The following P2RY6 variants were observed in gnomAD, a reference collection of about 807,000 sequenced individuals.
The protein encoded by P2RY6 is P2Y purinoceptor 6.
P2RY6 carries 19 observed loss-of-function variants against 16.3 expected under a neutral mutation model. The observed-to-expected ratio is 1.16, with a 90% CI of 0.81 to 1.71. P2RY6 has a LOEUF of 1.71. Among genes scored for constraint, P2RY6 ranks in the 40% most tolerant of loss-of-function variants. The probability of loss-of-function intolerance (pLI) is 0.00; values close to 1 mark genes in which losing one functional copy is unlikely to be tolerated. For synonymous variants in P2RY6, 184 were observed against 201.5 expected (o/e 0.91, Z 0.74); for missense variants, 389 against 455.5 (o/e 0.85, Z 1.33).
chr11:73,265,592 G>C (rs368167019), intron 1 of P2RY6: 1 of 152,174 alleles, frequency 6.6e-6, no homozygotes, highest in South Asian at 2.1e-4. Context: ...GGCGGGGTGG[G>C]GGGGAGTTGT....
chr11:73,291,218 C>T (rs1229878391), intron 1 of P2RY6, among the ~76,000 whole-genome samples: 1 of 152,194 alleles, frequency 6.6e-6, no homozygotes, highest in Non-Finnish European at 1.5e-5. Context: ...GTGGATAAGG[C>T]ATGATAGGGA....
intron 1 of P2RY6, among the ~76,000 whole-genome samples, chr11:73,287,863 T>A (rs1864029337): frequency 1.3e-5 from 2 of 152,174 alleles, no homozygotes; most frequent in Non-Finnish European, 2.9e-5. Flanking sequence ...GCAGTGGCCC[T>A]ATAGGCGTGG....
At chr11:73,266,002 T>C (rs1462794261) in intron 1 of P2RY6, among the ~76,000 whole-genome samples, 2 of 152,288 alleles carry the variant, frequency 1.3e-5, no homozygotes, top group Middle Eastern at 3.4e-3. Context: ...CTCTGATACA[T>C]AGAAATCCTA....
chr11:73,269,020 G>A (rs1364358673), upstream of P2RY6, among the ~76,000 whole-genome samples: 2 of 152,192 alleles, frequency 1.3e-5, no homozygotes, highest in Non-Finnish European at 2.9e-5. Flanking sequence ...ACTGAACTGT[G>A]AGCCCAGCCC....
At chr11:73,266,708 A>C (rs1281314384) in intron 1 of P2RY6, among the ~76,000 whole-genome samples, 1 of 152,174 alleles carries the variant, frequency 6.6e-6, no homozygotes, top group Non-Finnish European at 1.5e-5. Flanking sequence ...CAGTGTTGGG[A>C]GCTGTGGAAA....
chr11:73,274,209 C>T (rs1460169549), intron 1 of P2RY6, among the ~76,000 whole-genome samples: 1 of 152,182 alleles, frequency 6.6e-6, no homozygotes, highest in Admixed American at 6.5e-5. Flanking sequence ...AGCGGCAGTG[C>T]TAGGGTTTCA....
At position 73,296,634 on chromosome 11, in the gene P2RY6, C is replaced by G. The variant is rs2135765381; in HGVS notation, c.116C>G (p.Ala39Gly). 6.2e-7 allele frequency: 1 copy of G among 1,614,206 alleles called. No homozygotes were observed. Among genetic ancestry groups the G allele is most frequent in the Non-Finnish European group, 8.5e-7 (1 of 1,180,032 alleles). ...LPPVYSAVLA[A>G]GLPLNICVIT... ...CCTGTGTATTCGGCGGTGCTGGCGG[C>G]TGGCCTGCCGCTGAACATCTGTGTC... Residue 39 changes from alanine to glycine, a missense_variant, in exon 3 of 3, where the codon GCT becomes GGT. Coordinates refer to ENST00000540124, the MANE Select transcript of P2RY6 (RefSeq NM_001277204.2).
upstream of P2RY6, among the ~76,000 whole-genome samples, chr11:73,270,883 C>T (rs972782052): frequency 1.3e-5 from 2 of 152,120 alleles, no homozygotes; most frequent in African/African-American, 2.4e-5. Context: ...TGGGGCCTGT[C>T]CACCTGTCCG....
At chr11:73,275,125 G>A (rs561364069) in intron 1 of P2RY6, among the ~76,000 whole-genome samples, 21 of 152,350 alleles carry the variant, frequency 1.4e-4, no homozygotes, top group African/African-American at 5.1e-4. Context: ...GCCCAGCCCT[G>A]TGTGGATTCC....
intron 1 of P2RY6, among the ~76,000 whole-genome samples, chr11:73,291,602 T>C (rs1864249315): frequency 6.6e-6 from 1 of 152,128 alleles, no homozygotes; most frequent in Admixed American, 6.6e-5. Flanking sequence ...TTTTTCTCAG[T>C]GTGATCCAAA....
intron 1 of P2RY6, among the ~76,000 whole-genome samples, chr11:73,284,170 A>C (rs1863873724): frequency 6.6e-6 from 1 of 152,162 alleles, no homozygotes; most frequent in Admixed American, 6.5e-5. Flanking sequence ...AAGGTTGGGG[A>C]CCCAGCCAAG....
At chr11:73,296,233 A>ATATATATAT (rs1554992361) in intron 2 of P2RY6, among the ~76,000 whole-genome samples, 70 of 124,480 alleles carry the variant, frequency 5.6e-4, no homozygotes, top group African/African-American at 2.3e-3. Context: ...GAAAAAAAAA[A>ATATATATAT]ATATATATAT....
At chr11:73,279,936 C>G (rs186084628) in intron 1 of P2RY6, among the ~76,000 whole-genome samples, 3 of 152,306 alleles carry the variant, frequency 2.0e-5, no homozygotes, top group Admixed American at 1.3e-4. Context: ...AAGGGTGTCC[C>G]TTACCTTAGG....
At chr11:73,280,033 C>G (rs1239759682) in intron 1 of P2RY6, among the ~76,000 whole-genome samples, 2 of 152,120 alleles carry the variant, frequency 1.3e-5, no homozygotes. Flanking sequence ...TTTATGAGGC[C>G]CTGTGACTGA....
intron 1 of P2RY6, among the ~76,000 whole-genome samples, chr11:73,295,149 C>T (rs776853999): frequency 6.6e-6 from 1 of 152,262 alleles, no homozygotes; most frequent in South Asian, 2.1e-4. Flanking sequence ...ATGTCAGTTT[C>T]GAGGTGAGTG....
At chr11:73,293,252 G>A (rs2086910135) in intron 1 of P2RY6, among the ~76,000 whole-genome samples, 1 of 152,190 alleles carries the variant, frequency 6.6e-6, no homozygotes, top group African/African-American at 2.4e-5. Context: ...CTGGCTGTGT[G>A]GGAGTCTCCA....
In P2RY6 at chr11:73,297,301, C is replaced by A; in HGVS notation, c.783C>A (p.Ala261=). Residue 261 remains alanine, a synonymous_variant, in exon 3 of 3, where the codon GCC becomes GCA. Coordinates refer to ENST00000540124, the MANE Select transcript of P2RY6 (RefSeq NM_001277204.2). ...SFLPFHITKT[A]YLAVRSTPGV... ...TGCCTTTTCACATCACCAAGACAGC[C>A]TACCTGGCAGTGCGCTCGACGCCGG... 6.2e-7 allele frequency: 1 copy of A among 1,609,680 alleles called. No individual in the cohort carries two copies. The highest frequency in any genetic ancestry group is 8.5e-7 in the Non-Finnish European group (1 of 1,178,818).
intron 1 of P2RY6, among the ~76,000 whole-genome samples, chr11:73,291,769 C>T (rs923082985): frequency 6.6e-6 from 1 of 152,216 alleles, no homozygotes; most frequent in Admixed American, 6.5e-5. Context: ...CTGAGTGGCA[C>T]TTCATCCTCC....
intron 1 of P2RY6, among the ~76,000 whole-genome samples, chr11:73,281,453 A>C (rs921064308): frequency 1.3e-5 from 2 of 152,264 alleles, no homozygotes; most frequent in East Asian, 3.8e-4. Context: ...AGAAGGGACC[A>C]GCCCACATTC....
Sources: gnomAD v4.1 joint callset for allele counts (sites outside exome capture counted in the v4.1 genomes callset) on GRCh38, gnomAD v4.1.1 for gene constraint, MANE v1.5 for transcripts, NCBI Gene and HGNC (gene_info 2026-07-23, HGNC 2026-07-21) for gene names.